Variants in RALYL observed in about 807,000 individuals in gnomAD.
RALYL encodes RALY RNA binding protein like, also known as RNA-binding Raly-like protein.
Under a neutral mutation model 35.1 loss-of-function variants are expected in RALYL, and 29 were observed. That is an observed-to-expected ratio of 0.83 (90% confidence interval 0.61 to 1.13). The LOEUF is 1.13. RALYL is among the 50% of genes most tolerant of loss of function. RALYL has a pLI of 0.00. For missense variants in RALYL, 359 were observed against 360.4 expected, an observed-to-expected ratio of 1.00 and a Z score of 0.03; for synonymous variants, 120 against 127.6, an observed-to-expected ratio of 0.94 and a Z score of 0.40.
chr8:84,336,330 A>G (rs1847800276), intron 1 of RALYL, among the ~76,000 whole-genome samples: 1 of 152,096 alleles, frequency 6.6e-6, no homozygotes, highest in Non-Finnish European at 1.5e-5. Flanking sequence ...TTGGTTTACA[A>G]TTTCAACCCA....
intron 1 of RALYL, among the ~76,000 whole-genome samples, chr8:84,310,355 G>GAA (rs112900224): frequency 5.9e-4 from 88 of 147,968 alleles, no homozygotes; most frequent in African/African-American, 8.2e-4. Flanking sequence ...TTTTTTTAAA[G>GAA]AAAAAAAAAA....
chr8:84,620,600 AG>A (rs1450590272), intron 2 of RALYL, among the ~76,000 whole-genome samples: 1 of 152,198 alleles, frequency 6.6e-6, no homozygotes, highest in Non-Finnish European at 1.5e-5. Flanking sequence ...AGCTCGTCAA[AG>A]TCATTCTCCA....
chr8:84,533,775 G>T (rs951854554), intron 2 of RALYL, among the ~76,000 whole-genome samples: 4 of 152,068 alleles, frequency 2.6e-5, no homozygotes, highest in Non-Finnish European at 5.9e-5. Flanking sequence ...GAATAGGGAT[G>T]GTAAATTTTA....
chr8:84,565,942 C>A (rs1416595819), intron 2 of RALYL, among the ~76,000 whole-genome samples: 3 of 151,636 alleles, frequency 2.0e-5, no homozygotes, highest in Admixed American at 6.6e-5. Context: ...TTCACCCCAT[C>A]TCTTCCTCCA....
intron 1 of RALYL, among the ~76,000 whole-genome samples, chr8:84,311,058 A>C (rs1842708295): frequency 9.6e-6 from 1 of 104,470 alleles, no homozygotes; most frequent in Non-Finnish European, 2.0e-5. Flanking sequence ...CGTCTCAAAA[A>C]AAAAAAAAAA....
chr8:84,475,780 T>C (rs2053330788), intron 1 of RALYL, among the ~76,000 whole-genome samples: 1 of 152,222 alleles, frequency 6.6e-6, no homozygotes, highest in Non-Finnish European at 1.5e-5. Context: ...TAGTTGCTGT[T>C]GTCCCTTTAC....
In RALYL at chr8:84,801,872, A is replaced by ATGTT. The variant is rs149847253; in HGVS notation, c.333-2897_333-2894dup. 2.8e-3 allele frequency among the ~76,000 whole-genome samples: 423 copies of ATGTT among 152,320 alleles called. 2 individuals are homozygous for ATGTT. Among genetic ancestry groups the ATGTT allele is most frequent in the Non-Finnish European group, 4.8e-3 (326 of 68,018 alleles). On this transcript the variant is annotated intron_variant, in intron 3 of 8. Transcript: ENST00000521268. ...TAACACAAAAACATTTCAGGTGAAT[A>ATGTT]TGTTAGTAGGATCAGAGGTTGAAAT...
intron 2 of RALYL, among the ~76,000 whole-genome samples, chr8:84,594,522 T>C (rs936362104): frequency 9.9e-5 from 15 of 152,094 alleles, no homozygotes; most frequent in African/African-American, 3.4e-4. Flanking sequence ...ATTTATATTG[T>C]TATTAATAAG....
chr8:84,259,896 A>T (rs1042904661), intron 1 of RALYL, among the ~76,000 whole-genome samples: 1 of 152,158 alleles, frequency 6.6e-6, no homozygotes, highest in African/African-American at 2.4e-5. Context: ...ATCCCCAAGA[A>T]CGGAGACCAG....
In RALYL at chr8:84,365,102, T is replaced by C. The variant is rs74470851; in HGVS notation, c.-23-164197T>C. Reference sequence around the variant, plus strand: ...ACTGTTTATTAAATGAGCAAATCAATGAATGAATAATAAATGAAAAATTTT... The same window carrying C: ...ACTGTTTATTAAATGAGCAAATCAACGAATGAATAATAAATGAAAAATTTT... On this transcript the variant is annotated intron_variant, in intron 1 of 8. Transcript: ENST00000521268. Among the ~76,000 whole-genome samples the C allele has an allele frequency of 4.5e-3, 686 of 152,266 alleles. 8 individuals are homozygous for C. The highest frequency in any genetic ancestry group is 0.016 in the African/African-American group (669 of 41,566).
At chr8:84,448,671 C>A (rs2049109684) in intron 1 of RALYL, among the ~76,000 whole-genome samples, 1 of 151,998 alleles carries the variant, frequency 6.6e-6, no homozygotes, top group Non-Finnish European at 1.5e-5. Flanking sequence ...TAGGTAAAAA[C>A]TGCAAAATGA....
chr8:84,415,748 T>C (rs1019069489), intron 1 of RALYL, among the ~76,000 whole-genome samples: 1 of 151,632 alleles, frequency 6.6e-6, no homozygotes, highest in Admixed American at 6.5e-5. Context: ...GCCGTTACAA[T>C]AGTACTTAAT....
At chr8:84,620,114 G>C (rs1380110786) in intron 2 of RALYL, among the ~76,000 whole-genome samples, 1 of 152,000 alleles carries the variant, frequency 6.6e-6, no homozygotes, top group African/African-American at 2.4e-5. Context: ...GGCATTCTCT[G>C]TATTTCCTGA....
chr8:84,739,576 C>CAT (rs897400437), intron 2 of RALYL, among the ~76,000 whole-genome samples: 7 of 151,012 alleles, frequency 4.6e-5, no homozygotes, highest in South Asian at 4.2e-4. Context: ...ATATGTATTT[C>CAT]ATATATATAT....
chr8:84,201,233 T>C (rs1387601936), intron 1 of RALYL, among the ~76,000 whole-genome samples: 1 of 132,448 alleles, frequency 7.6e-6, no homozygotes, highest in Admixed American at 7.4e-5. Context: ...TTCAAATTTA[T>C]AGAATGTTAA....
At chr8:84,545,744 A>G (rs2060312333) in intron 2 of RALYL, among the ~76,000 whole-genome samples, 2 of 152,040 alleles carry the variant, frequency 1.3e-5, no homozygotes, top group Non-Finnish European at 2.9e-5. Flanking sequence ...TTTTGTTTTC[A>G]TATATGAATG....
intron 2 of RALYL, among the ~76,000 whole-genome samples, chr8:84,598,698 A>T (rs886083679): frequency 6.6e-6 from 1 of 152,220 alleles, no homozygotes; most frequent in Non-Finnish European, 1.5e-5. Context: ...TACTATAAAC[A>T]GTATCATCTG....
intron 1 of RALYL, among the ~76,000 whole-genome samples, chr8:84,191,182 TTGTGTGTGTGTGTGTGTG>T: frequency 6.9e-6 from 1 of 145,798 alleles, no homozygotes; most frequent in Middle Eastern, 3.6e-3. Context: ...GTGTGTGTGA[TTGTGTGTGTGTGTGTGTG>T]TGTGTGTGTG....
At chr8:84,526,119 A>AT (rs1331889169) in intron 1 of RALYL, among the ~76,000 whole-genome samples, 7 of 151,224 alleles carry the variant, frequency 4.6e-5, no homozygotes, top group East Asian at 3.9e-4. Flanking sequence ...CACTTGGCTA[A>AT]TTTTTTTGTA....
Sources: gnomAD v4.1 joint callset for allele counts (sites outside exome capture counted in the v4.1 genomes callset) on GRCh38, gnomAD v4.1.1 for gene constraint, MANE v1.5 for transcripts, NCBI Gene and HGNC (gene_info 2026-07-23, HGNC 2026-07-21) for gene names.